Variants in DYNC2H1 observed in about 807,000 individuals in gnomAD.
DYNC2H1 encodes cytoplasmic dynein 2 heavy chain 1.
In DYNC2H1, 410 loss-of-function variants were observed where a neutral mutation model predicts 570.0. That is an observed-to-expected ratio of 0.72 (90% CI 0.66 to 0.78). DYNC2H1 has a LOEUF of 0.78. Among genes scored for constraint, DYNC2H1 ranks in the 30% least tolerant of loss-of-function variants. The pLI is 0.00. For missense variants in DYNC2H1, 4,865 were observed against 5,046.4 expected, an observed-to-expected ratio of 0.96 and a Z score of 1.09; for synonymous variants, 1,688 against 1,677.6, an observed-to-expected ratio of 1.01 and a Z score of -0.15.
At chr11:103,273,203 T>C (rs1217775975) in intron 70 of DYNC2H1, among the ~76,000 whole-genome samples, 1 of 151,926 alleles carries the variant, frequency 6.6e-6, no homozygotes, top group Non-Finnish European at 1.5e-5. Flanking sequence ...TTCTTCTTTC[T>C]TTTTTTGATA....
At position 103,241,673 on chromosome 11, in the gene DYNC2H1, A is replaced by T. The variant is rs773924739; in HGVS notation, c.9820-2020A>T. ...AAAACCTAGGTGCAGCACCATGGTA[A>T]CACTTCACAGGCTATTTACTAACCA... On this transcript the variant is annotated intron_variant, in intron 63 of 88. Coordinates refer to ENST00000375735, the MANE Select transcript of DYNC2H1 (RefSeq NM_001377.3). This position sits in a 1 kb window ranked among gnomAD's most constrained non-coding sequence, Gnocchi z 5.1. The T allele has an allele frequency of 1.4e-6, 1 of 721,290 alleles. No homozygotes were observed. The highest frequency in any genetic ancestry group is 2.3e-6 in the Non-Finnish European group (1 of 436,108). The allele number at this position is 721,290 out of a possible 1,614,324, so 44.7% of individuals were successfully genotyped here. A position where few individuals can be genotyped will look rare whatever the true frequency, so the allele number is the denominator to read the frequency against.
intron 73 of DYNC2H1, 87 bp from the exon 74 acceptor site, chr11:103,286,168 G>T (rs1484072721): frequency 6.7e-7 from 1 of 1,497,514 alleles, no homozygotes; most frequent in Non-Finnish European, 9.1e-7. Context: ...ACCAATAATT[G>T]GTTCTCACTT....
chr11:103,187,522 A>G lies in DYNC2H1; in HGVS notation c.7076A>G (p.Lys2359Arg), dbSNP rs1862121962. 1 of 1,613,338 alleles carries G rather than the reference A, an allele frequency of 6.2e-7. No individual in the cohort carries two copies. The highest frequency in any genetic ancestry group is 8.5e-7 in the Non-Finnish European group (1 of 1,179,490). Residue 2359 changes from lysine (K) to arginine (R), a missense_variant, in exon 43 of 89, where the codon AAA becomes AGA. Coordinates refer to ENST00000375735, the MANE Select transcript of DYNC2H1 (RefSeq NM_001377.3). ...KDCERLVLYL[K>R]DINLPKLDKW... ...TGTGAAAGACTTGTTCTGTACTTAA[A>G]AGATATCAACCTACCTAAACTTGAT...
At chr11:103,225,840 G>T (rs1411343826) in intron 59 of DYNC2H1, among the ~76,000 whole-genome samples, 1 of 152,130 alleles carries the variant, frequency 6.6e-6, no homozygotes, top group African/African-American at 2.4e-5. Flanking sequence ...ATTGCTTTTG[G>T]CAGTATGGTC....
chr11:103,280,319 G>A lies in DYNC2H1; in HGVS notation c.10696-29G>A, dbSNP rs1487586742. ...TTTCCAAAGACACAAATTTTTAAAA[G>A]GCAAGATAATATCTGTTATTCTTTG... On this transcript the variant is annotated intron_variant, in intron 70 of 88. Coordinates refer to ENST00000375735, the MANE Select transcript of DYNC2H1 (RefSeq NM_001377.3). The surrounding 1 kb of genome is among the most constrained non-coding windows in gnomAD (Gnocchi z 4.7). The A allele has an allele frequency of 6.5e-7, 1 of 1,549,086 alleles. No homozygotes were observed. Among genetic ancestry groups the A allele is most frequent in the South Asian group, 1.2e-5 (1 of 83,614 alleles).
chr11:103,136,098 A>G, intron 17 of DYNC2H1, 150 bp downstream of exon 17: 1 of 597,172 alleles, frequency 1.7e-6, no homozygotes, highest in Non-Finnish European at 2.5e-6. Flanking sequence ...ATACTTATAC[A>G]ACCTAGATTT....
intron 84 of DYNC2H1, among the ~76,000 whole-genome samples, chr11:103,429,961 G>C (rs534475290): frequency 6.6e-6 from 1 of 151,468 alleles, no homozygotes; most frequent in South Asian, 2.1e-4. Context: ...TGATAAGCTA[G>C]AATCAAATGA....
At chr11:103,187,098 C>T (rs1489281475) in intron 42 of DYNC2H1, among the ~76,000 whole-genome samples, 1 of 151,756 alleles carries the variant, frequency 6.6e-6, no homozygotes, top group African/African-American at 2.4e-5. Flanking sequence ...ATTCTGAGAA[C>T]TTTGATTTTT....
intron 72 of DYNC2H1, among the ~76,000 whole-genome samples, 184 bp from the exon 73 acceptor site, chr11:103,282,824 A>G (rs1866193384): frequency 1.3e-5 from 2 of 152,226 alleles, no homozygotes; most frequent in South Asian, 2.1e-4. Context: ...ATTTTCCTAA[A>G]TGGTTCTCAG....
chr11:103,446,669 T>C lies in DYNC2H1; in HGVS notation c.12457-8517T>C, dbSNP rs1944433879. The stretch of plus-strand genomic sequence containing the variant: ...AGAAGAGCCAAAGGAATTTTTTTGG[T>C]TTGGTTTTGTTTTTTAATATAGGGG... On this transcript the variant is annotated intron_variant, in intron 85 of 88. Transcript: ENST00000375735. This position sits in a 1 kb window ranked among gnomAD's most constrained non-coding sequence, Gnocchi z 4.5. Among the ~76,000 whole-genome samples, 1 of 151,948 alleles carries C rather than the reference T, an allele frequency of 6.6e-6. No individual in the cohort carries two copies. The highest frequency in any genetic ancestry group is 6.6e-5 in the Admixed American group (1 of 15,236).
chr11:103,188,420 C>A, intron 43 of DYNC2H1, 77 bp from the exon 44 acceptor site: 1 of 1,169,848 alleles, frequency 8.5e-7, no homozygotes, highest in Non-Finnish European at 1.2e-6. Flanking sequence ...ATAATTGAAA[C>A]TTAGGCAAAA....
intron 84 of DYNC2H1, among the ~76,000 whole-genome samples, chr11:103,412,872 G>C (rs927164517): frequency 6.6e-6 from 1 of 152,052 alleles, no homozygotes; most frequent in Non-Finnish European, 1.5e-5. Flanking sequence ...TGCTATCCTG[G>C]TTATTCCTTT....
In DYNC2H1 at chr11:103,205,140, T is replaced by C. The variant is rs557188933; in HGVS notation, c.8454+176T>C. On this transcript the variant is annotated intron_variant, in intron 52 of 88. Coordinates refer to ENST00000375735, the MANE Select transcript of DYNC2H1 (RefSeq NM_001377.3). This position sits in a 1 kb window ranked among gnomAD's most constrained non-coding sequence, Gnocchi z 4.5. ...TCTTGCATCATAATTTAGTTGAATG[T>C]AGAATTTTAGATTGAGGATCATGTT... is the stretch of plus-strand genomic sequence containing the variant. Among the ~76,000 whole-genome samples, 51 of 152,298 alleles carry C rather than the reference T, an allele frequency of 3.3e-4. No homozygotes were observed. The highest frequency in any genetic ancestry group is 3.4e-3 in the Middle Eastern group (1 of 294).
chr11:103,290,774 A>G (rs2135366818), intron 75 of DYNC2H1, among the ~76,000 whole-genome samples: 1 of 151,870 alleles, frequency 6.6e-6, no homozygotes, highest in South Asian at 2.1e-4. Context: ...TAATTTCTGC[A>G]TGTGTGTTGT....
intron 87 of DYNC2H1, among the ~76,000 whole-genome samples, chr11:103,458,599 C>T (rs79924476): frequency 6.6e-6 from 1 of 151,822 alleles, no homozygotes; most frequent in South Asian, 2.1e-4. Context: ...CATTAGTTAA[C>T]AGTTTAAAAA....
chr11:103,256,240 A>G lies in DYNC2H1; in HGVS notation c.10461A>G (p.Gln3487=), dbSNP rs75143468. Residue 3487 remains glutamine (Q), a splice_region_variant and synonymous_variant, in exon 68 of 89, where the codon CAA becomes CAG. Coordinates refer to ENST00000375735, the MANE Select transcript of DYNC2H1 (RefSeq NM_001377.3). The surrounding 1 kb of genome is among the most constrained non-coding windows in gnomAD (Gnocchi z 4.0). ...ESYKLQISLD[Q]ERDAYLPLAE... ...ACAAACTCCAAATTTCCCTTGATCA[A>G]GTAATTATTTCCTTCTTTGTAATTT... is the stretch of plus-strand genomic sequence containing the variant. 4,225 of 1,594,474 alleles carry G rather than the reference A, an allele frequency of 2.6e-3. 115 individuals carry two copies. In the African/African-American group the frequency reaches 0.05, roughly 19 times the overall value.
rs562592780 is a variant in DYNC2H1 at position 103,110,078 on chromosome 11, G to T, written c.195+309G>T. Among the ~76,000 whole-genome samples, 15 of 152,260 alleles carry T rather than the reference G, an allele frequency of 9.9e-5. 1 individual carries two copies. The South Asian group carries it at 3.1e-3, about 32-fold the overall frequency. On this transcript the variant is annotated intron_variant, in intron 1 of 88. Transcript: ENST00000375735. Reference sequence around the variant, plus strand: ...TTCGTTCTGTCGCTTAGGCTGGATGGAGTGTAGTGGCGCGATCTCTGCTCA... The same window carrying T: ...TTCGTTCTGTCGCTTAGGCTGGATGTAGTGTAGTGGCGCGATCTCTGCTCA...
intron 83 of DYNC2H1, among the ~76,000 whole-genome samples, chr11:103,371,486 A>G (rs1941143597): frequency 6.6e-6 from 1 of 152,166 alleles, no homozygotes; most frequent in Admixed American, 6.5e-5. Flanking sequence ...AATTGAAAGA[A>G]GAGTACCTCA....
rs1938414464 is a variant in DYNC2H1, at chr11:103,325,270, G to A, written c.12039+1280G>A. Among the ~76,000 whole-genome samples, 1 of 152,196 alleles carries A rather than the reference G, an allele frequency of 6.6e-6. No individual in the cohort carries two copies. Among genetic ancestry groups the A allele is most frequent in the African/African-American group, 2.4e-5 (1 of 41,446 alleles). On this transcript the variant is annotated intron_variant, in intron 82 of 88. Transcript: ENST00000375735. The surrounding 1 kb of genome is among the most constrained non-coding windows in gnomAD (Gnocchi z 4.8). ...CAATTGCTGTTGGCATCTTTGTCAT[G>A]AAATTTTTGGGCCAGGGCCAATGTT... is the stretch of plus-strand genomic sequence containing the variant.
Sources: gnomAD v4.1 joint callset for allele counts (sites outside exome capture counted in the v4.1 genomes callset) on GRCh38, gnomAD v4.1.1 for gene constraint, Gnocchi (gnomAD v3.1) non-coding constraint, MANE v1.5 for transcripts, NCBI Gene and HGNC (gene_info 2026-07-23, HGNC 2026-07-21) for gene names.